The following SNRPN variants were observed in gnomAD, a reference collection of about 807,000 sequenced individuals.
The protein encoded by SNRPN is small nuclear ribonucleoprotein-associated protein N.
In SNRPN, 7 loss-of-function variants were observed where a neutral mutation model predicts 25.2. That is an observed-to-expected ratio of 0.28 (90% confidence interval 0.16 to 0.52). The LOEUF is 0.52. SNRPN is among the 20% of genes least tolerant of loss of function. The pLI is 0.96. For missense variants in SNRPN, 196 were observed against 322.5 expected, an observed-to-expected ratio of 0.61 and a Z score of 3.00; for synonymous variants, 124 against 110.6, an observed-to-expected ratio of 1.12 and a Z score of -0.76.
chr15:24,963,354 T>C (rs2075134691), intron 2 of SNRPN, among the ~76,000 whole-genome samples: 1 of 152,188 alleles, frequency 6.6e-6, no homozygotes, highest in African/African-American at 2.4e-5. Context: ...TGGTGGCCCA[T>C]GCCTGTAATC....
rs575375055 is a variant in SNRPN at position 24,834,759 on chromosome 15, A to G, written c.-579+4854A>G. On this transcript the variant is annotated intron_variant, in intron 2 of 12. Coordinates refer to the SNRPN transcript ENST00000400100. ...TCTCTCTCTCTCTCTCTCTATATAT[A>G]TATATATATATATATATATAGCCAG... Among the ~76,000 whole-genome samples, 162 of 38,172 alleles carry G rather than the reference A, an allele frequency of 4.2e-3. 1 individual carries two copies. The highest frequency in any genetic ancestry group is 1.0e-2 in the African/African-American group (148 of 14,810). 25.0% of individuals were successfully genotyped at this position (38,172 alleles called of 152,430 possible).
At chr15:24,957,778 A>T (rs527696853) in intron 1 of SNRPN, among the ~76,000 whole-genome samples, 9 of 151,908 alleles carry the variant, frequency 5.9e-5, no homozygotes, top group Non-Finnish European at 1.3e-4. Context: ...TCACATACAT[A>T]TATTTCTTGG....
intron 3 of SNRPN, among the ~76,000 whole-genome samples, chr15:24,935,713 C>T (rs1417006959): frequency 6.6e-6 from 1 of 152,156 alleles, no homozygotes. Flanking sequence ...GTTTTCAGAG[C>T]AGTGGAGTCT....
intron 1 of SNRPN, among the ~76,000 whole-genome samples, chr15:24,882,337 ACTAC>A (rs1344621649): frequency 1.3e-5 from 2 of 152,186 alleles, no homozygotes; most frequent in Admixed American, 6.6e-5. Flanking sequence ...AAGAAAAAAA[ACTAC>A]CTAAAGTTTA....
intron 2 of SNRPN, among the ~76,000 whole-genome samples, chr15:24,916,833 G>C (rs8027849): frequency 0.28 from 43,293 of 152,046 alleles, 6,236 homozygotes; most frequent in South Asian, 0.34. Flanking sequence ...TTCGTGGTGA[G>C]TGTTACAACT....
chr15:24,906,979 A>AT (rs2058842848), intron 2 of SNRPN, among the ~76,000 whole-genome samples: 1 of 151,952 alleles, frequency 6.6e-6, no homozygotes, highest in Non-Finnish European at 1.5e-5. Context: ...GGGAGGGAGG[A>AT]TGAAGCAGTT....
rs796257838 is a variant in SNRPN at position 24,834,751 on chromosome 15, C to CTATATA, written c.-579+4869_-579+4874dup. ...TCCCTCTCTCTCTCTCTCTCTCTCT[C>CTATATA]TATATATATATATATATATATATAT... is the stretch of plus-strand genomic sequence containing the variant. On this transcript the variant is annotated intron_variant, in intron 2 of 12. Coordinates refer to the SNRPN transcript ENST00000400100. Among the ~76,000 whole-genome samples the CTATATA allele has an allele frequency of 3.1e-4, 19 of 60,952 alleles. 2 individuals carry two copies. The highest frequency in any genetic ancestry group is 1.9e-3 in the East Asian group (5 of 2,668). The allele number at this position is 60,952 out of a possible 152,430, so 40.0% of individuals were successfully genotyped here. A position where few individuals can be genotyped will look rare whatever the true frequency, so the allele number is the denominator to read the frequency against.
At chr15:24,919,081 G>GCGCATATATATATAACATAATATATATA (rs1566911233) in intron 2 of SNRPN, among the ~76,000 whole-genome samples, 1 of 105,416 alleles carries the variant, frequency 9.5e-6, no homozygotes, top group Non-Finnish European at 2.0e-5. Context: ...TAATATATAT[G>GCGCATATATATATAACATAATATATATA]TGCGCATATA....
intron 2 of SNRPN, chr15:24,849,548 C>A (rs1456858874): frequency 6.6e-6 from 1 of 152,230 alleles, no homozygotes; most frequent in African/African-American, 2.4e-5. Flanking sequence ...ACACCTGGTC[C>A]CAGGTCAGAC....
At chr15:24,891,349 G>A (rs550026414) in intron 2 of SNRPN, among the ~76,000 whole-genome samples, 1 of 152,162 alleles carries the variant, frequency 6.6e-6, no homozygotes, top group South Asian at 2.1e-4. Context: ...ACTTAGTTAT[G>A]TAAGCATTTA....
intron 2 of SNRPN, among the ~76,000 whole-genome samples, chr15:24,895,583 G>C (rs1181804195): frequency 6.6e-6 from 1 of 152,006 alleles, no homozygotes; most frequent in Non-Finnish European, 1.5e-5. Flanking sequence ...GAAATTGATG[G>C]CTGCTGGTCA....
intron 3 of SNRPN, chr15:24,920,409 AG>A (rs1338585182): frequency 6.6e-6 from 1 of 152,120 alleles, no homozygotes; most frequent in Non-Finnish European, 1.5e-5. Context: ...AGTGTGCATT[AG>A]TATCACCTGG....
At chr15:24,833,235 G>C (rs1333987098) in intron 2 of SNRPN, among the ~76,000 whole-genome samples, 1 of 151,520 alleles carries the variant, frequency 6.6e-6, no homozygotes, top group Admixed American at 6.6e-5. Context: ...CTTTTTGGAA[G>C]CTTATGTCCA....
In SNRPN at chr15:24,936,625, G is replaced by T. The variant is rs138190272; in HGVS notation, c.-391+16501G>T. On this transcript the variant is annotated intron_variant, in intron 3 of 11. Transcript: ENST00000400097. ...GAGTCCCTAAGAAACTTGCATCATG[G>T]CAGAAGGCAGAGGGGAGTCAGGCAC... Among the ~76,000 whole-genome samples, 245 of 152,242 alleles carry T rather than the reference G, an allele frequency of 1.6e-3. 2 individuals are homozygous for T. The highest frequency in any genetic ancestry group is 5.7e-3 in the African/African-American group (236 of 41,544).
At chr15:24,877,363 G>GTGCT (rs2056021958) in intron 1 of SNRPN, among the ~76,000 whole-genome samples, 1 of 152,182 alleles carries the variant, frequency 6.6e-6, no homozygotes, top group Non-Finnish European at 1.5e-5. Context: ...GAAGAACCAT[G>GTGCT]TGCTGACAGT....
intron 1 of SNRPN, among the ~76,000 whole-genome samples, chr15:24,876,866 G>A (rs747611730): frequency 2.6e-5 from 4 of 152,128 alleles, no homozygotes; most frequent in Non-Finnish European, 5.9e-5. Flanking sequence ...TTGAGACATC[G>A]CAAGGAGAGC....
At chr15:24,848,315 T>G (rs965434336) in intron 2 of SNRPN, 4 of 145,996 alleles carry the variant, frequency 2.7e-5, no homozygotes, top group African/African-American at 1.0e-4. Context: ...GATTCGGTGT[T>G]GCCCTTTCCC....
intron 1 of SNRPN, among the ~76,000 whole-genome samples, chr15:24,881,511 A>G (rs906458408): frequency 2.6e-5 from 3 of 116,414 alleles, no homozygotes; most frequent in African/African-American, 1.1e-4. Context: ...AGCCTGGGCA[A>G]CAAGAGCGAA....
At chr15:24,856,240 G>C (rs1032069091), upstream of SNRPN, among the ~76,000 whole-genome samples, 2 of 152,148 alleles carry the variant, frequency 1.3e-5, no homozygotes, top group Non-Finnish European at 2.9e-5. Context: ...CTTGAATAAA[G>C]AGCAGAATTT....
Sources: allele counts gnomAD v4.1 joint callset (sites outside exome capture counted in the v4.1 genomes callset), GRCh38; gene constraint gnomAD v4.1.1; transcripts MANE v1.5; gene names NCBI Gene and HGNC (gene_info 2026-07-23, HGNC 2026-07-21).